PADI1: variants seen among roughly 807,000 people sequenced by gnomAD.
PADI1 encodes the protein protein-arginine deiminase type-1.
Under a neutral mutation model 74.8 loss-of-function variants are expected in PADI1, and 65 were observed. That is an observed-to-expected ratio of 0.87 (90% confidence interval 0.71 to 1.07). PADI1 has a LOEUF of 1.07. PADI1 is among the 50% of genes least tolerant of loss of function. The pLI is 0.00. For synonymous variants in PADI1, 371 were observed against 336.2 expected (o/e 1.10, Z -1.13); for missense variants, 943 against 854.0 (o/e 1.10, Z -1.30).
chr1:17,238,038 T>G (rs1431554681), intron 12 of PADI1, among the ~76,000 whole-genome samples: 1 of 152,104 alleles, frequency 6.6e-6, no homozygotes, highest in African/African-American at 2.4e-5. Context: ...AATTGGGTAT[T>G]TTGTTTGTTT....
intron 8 of PADI1, among the ~76,000 whole-genome samples, chr1:17,229,722 C>G (rs887080051): frequency 6.6e-6 from 1 of 152,240 alleles, no homozygotes; most frequent in Non-Finnish European, 1.5e-5. Context: ...ACCCTGACCC[C>G]TTTGCTTAGG....
At position 17,244,477 on chromosome 1, in the gene PADI1, C is replaced by T. The variant is rs750551494; in HGVS notation, c.*234C>T. On this transcript the variant is annotated 3_prime_UTR_variant, in exon 16 of 16. Transcript: ENST00000375471. ...ATTCTTCCCTGGCCTCTTTCCCACC[C>T]ACAGCCCCCAGAGGCTCTAGATCAA... 3.3e-5 allele frequency: 21 copies of T among 631,360 alleles called. No individual in the cohort carries two copies. The highest frequency in any genetic ancestry group is 5.6e-5 in the Non-Finnish European group (19 of 339,784). 39.1% of individuals were successfully genotyped at this position (631,360 alleles called of 1,614,324 possible).
chr1:17,242,149 C>T (rs1383604878), intron 15 of PADI1, among the ~76,000 whole-genome samples: 1 of 152,196 alleles, frequency 6.6e-6, no homozygotes, highest in Non-Finnish European at 1.5e-5. Context: ...CTGTACAGTG[C>T]CTCGCAGGAT....
chr1:17,216,683 C>T (rs1455637602), intron 1 of PADI1, among the ~76,000 whole-genome samples: 1 of 152,084 alleles, frequency 6.6e-6, no homozygotes, highest in Non-Finnish European at 1.5e-5. Flanking sequence ...CCAGCCTGGC[C>T]AACATGGCGA....
At chr1:17,220,160 G>T (rs1224073341) in intron 1 of PADI1, among the ~76,000 whole-genome samples, 3 of 42 alleles carry the variant, frequency 0.071, no homozygotes, top group Non-Finnish European at 0.083. Flanking sequence ...CCAGCAGCCT[G>T]CAGGGGCTCC....
chr1:17,215,378 T>TTCATCATCATCA lies in PADI1; in HGVS notation c.93-6906_93-6895dup, dbSNP rs559907183. ...GTACCTGTCATTTCTTCCCCCTTCT[T>TTCATCATCATCA]TCATCATCATCATCATCGTCATCAT... On this transcript the variant is annotated intron_variant, in intron 1 of 15. Transcript: ENST00000375471. Among the ~76,000 whole-genome samples, 821 of 148,436 alleles carry TTCATCATCATCA rather than the reference T, an allele frequency of 5.5e-3. 9 individuals are homozygous for TTCATCATCATCA. Among genetic ancestry groups the TTCATCATCATCA allele is most frequent in the Admixed American group, 8.5e-3 (127 of 15,010 alleles).
chr1:17,220,726 A>G (rs566546837), intron 1 of PADI1, among the ~76,000 whole-genome samples: 168 of 152,202 alleles, frequency 1.1e-3, no homozygotes, highest in Non-Finnish European at 2.0e-3. Context: ...TCTCTCATTC[A>G]ACCTCCTCTC....
intron 3 of PADI1, 33 bp downstream of exon 3, chr1:17,223,726 C>A (rs1468444667): frequency 3.2e-6 from 5 of 1,574,996 alleles, no homozygotes; most frequent in East Asian, 2.2e-5. Flanking sequence ...CCCATCTATC[C>A]CTTTGCCCCT....
At chr1:17,239,494 C>T (rs1198909892) in intron 13 of PADI1, 2 of 534,454 alleles carry the variant, frequency 3.7e-6, no homozygotes, top group Non-Finnish European at 6.8e-6. Context: ...AGAGTCACTT[C>T]CTGAGGGGTT....
chr1:17,206,320 C>T (rs2071681564), intron 1 of PADI1, among the ~76,000 whole-genome samples: 1 of 152,362 alleles, frequency 6.6e-6, no homozygotes, highest in Admixed American at 6.5e-5. Flanking sequence ...CCCACCTGGC[C>T]TCTGGTGATC....
At chr1:17,229,836 C>T (rs977066266) in intron 8 of PADI1, among the ~76,000 whole-genome samples, 28 of 152,220 alleles carry the variant, frequency 1.8e-4, no homozygotes, top group African/African-American at 6.8e-4. Context: ...TCCCTGACTC[C>T]CTGTGCTGGG....
intron 6 of PADI1, among the ~76,000 whole-genome samples, chr1:17,226,958 A>G (rs2977291): frequency 1 from 151,859 of 151,888 alleles, 75,915 homozygotes; most frequent in Middle Eastern, 1. Flanking sequence ...GGTTAAGGCA[A>G]GAGGTGGAGC....
At chr1:17,220,998 G>T (rs1051040424) in intron 1 of PADI1, among the ~76,000 whole-genome samples, 2 of 152,220 alleles carry the variant, frequency 1.3e-5, no homozygotes, top group African/African-American at 4.8e-5. Flanking sequence ...TAGGGTGGGG[G>T]CCCGGCAGAT....
In PADI1 at chr1:17,238,619, T is replaced by A; in HGVS notation, c.1462T>A (p.Phe488Ile). 6.7e-7 allele frequency: 1 copy of A among 1,502,188 alleles called. No homozygotes were observed. The highest frequency in any genetic ancestry group is 9.0e-7 in the Non-Finnish European group (1 of 1,114,646). 93.1% of individuals were successfully genotyped at this position (1,502,188 alleles called of 1,614,324 possible). ...ATTCTCCCTCCCTCCGTGCCAGGGC[T>A]TCCGGCTGCTCCTGGCTAGCCCCAG... The part of the protein sequence containing the change: ...TFVPTSDQKG[F>I]RLLLASPSAC... Residue 488 changes from phenylalanine to isoleucine, a missense_variant, in exon 13 of 16, where the codon TTC becomes ATC. By Grantham distance (21) the Phe-to-Ile change is conservative (BLOSUM62 0). Transcript: ENST00000375471.
chr1:17,218,840 C>T (rs1424731959), intron 1 of PADI1, among the ~76,000 whole-genome samples: 1 of 151,996 alleles, frequency 6.6e-6, no homozygotes, highest in East Asian at 1.9e-4. Flanking sequence ...TGGGCAAGAG[C>T]CCAGACAGCA....
intron 6 of PADI1, 73 bp from the exon 7 acceptor site, chr1:17,228,552 C>G (rs913257539): frequency 1.1e-5 from 17 of 1,531,142 alleles, no homozygotes; most frequent in Middle Eastern, 2.1e-4. Context: ...AAAGGGGGCT[C>G]TGTCCTGGAT....
rs1346700579 is a variant in PADI1 at position 17,238,688 on chromosome 1, G to GGCT, written c.1532_1533insCTG (p.Gly511_Glu512insTrp). On this transcript the variant is annotated inframe_insertion, in exon 13 of 16. Coordinates refer to ENST00000375471, the MANE Select transcript of PADI1 (RefSeq NM_013358.3). ...CCAAGAGAAGAAAGAAGAGGGTTAT[G>GGCT]GGGAGGCAGCCCAGTTTGATGGTGA... 1 of 1,540,800 alleles carries GGCT rather than the reference G, an allele frequency of 6.5e-7. No individual in the cohort carries two copies. The highest frequency in any genetic ancestry group is 8.8e-7 in the Non-Finnish European group (1 of 1,135,506).
Position 17,244,172 on chromosome 1 carries a change from G to A in PADI1, c.1921G>A (p.Gly641Arg), listed in dbSNP as rs746193790. 27 of 1,614,188 alleles carry A rather than the reference G, an allele frequency of 1.7e-5. No individual in the cohort carries two copies. In the East Asian group the frequency reaches 4.0e-4, roughly 24 times the overall value. ...DDYLSYHELQ[G>R]EIHCGTNVRR... is the part of the protein sequence containing the mutation. ...CTACTTGTCCTACCACGAGCTGCAG[G>A]GGGAGATCCACTGTGGCACCAACGT... Residue 641 changes from glycine (G) to arginine (R), a missense_variant, in exon 16 of 16, where the codon GGG becomes AGG. Physicochemically the swap from Gly to Arg is moderately radical, Grantham distance 125 (BLOSUM62 -2). Transcript: ENST00000375471.
intron 2 of PADI1, chr1:17,223,400 A>G (rs994260215): frequency 1.4e-4 from 80 of 554,892 alleles, no homozygotes; most frequent in African/African-American, 1.3e-3. Context: ...CTTGCTCCTC[A>G]CACCTGCTCT....
Sources: gnomAD v4.1 joint callset for allele counts (sites outside exome capture counted in the v4.1 genomes callset) on GRCh38, gnomAD v4.1.1 for gene constraint, MANE v1.5 for transcripts, NCBI Gene and HGNC (gene_info 2026-07-23, HGNC 2026-07-21) for gene names.